Variants in ZNHIT6 observed in about 807,000 individuals in gnomAD.
ZNHIT6 encodes box C/D snoRNA protein 1.
ZNHIT6 carries 45 observed loss-of-function variants against 57.2 expected under a neutral mutation model. The observed-to-expected ratio is 0.79, with a 90% CI of 0.62 to 1.01. ZNHIT6 has a LOEUF of 1.01. Ranked by LOEUF, ZNHIT6 falls within the 50% of genes least tolerant of loss-of-function variation. ZNHIT6 has a pLI of 0.00. For synonymous variants in ZNHIT6, 188 were observed against 190.0 expected, an observed-to-expected ratio of 0.99 and a Z score of 0.09; for missense variants, 528 against 567.3, an observed-to-expected ratio of 0.93 and a Z score of 0.70.
chr1:85,660,207 A>G (rs1260557071), intron 8 of ZNHIT6, among the ~76,000 whole-genome samples: 1 of 152,202 alleles, frequency 6.6e-6, no homozygotes, highest in East Asian at 1.9e-4. Flanking sequence ...TAAAATGGTG[A>G]TAACTAAATT....
chr1:85,669,773 C>T (rs1449628503), intron 8 of ZNHIT6, among the ~76,000 whole-genome samples: 1 of 152,126 alleles, frequency 6.6e-6, no homozygotes, highest in African/African-American at 2.4e-5. Context: ...CTCCACTGGG[C>T]ACCTTTTATG....
intron 8 of ZNHIT6, among the ~76,000 whole-genome samples, chr1:85,667,961 A>AAAAAAAAAAAAAAATATGTATAT: frequency 1.1e-4 from 2 of 18,200 alleles, no homozygotes; most frequent in African/African-American, 4.2e-4. Context: ...AAAAAAAAAA[A>AAAAAAAAAAAAAAATATGTATAT]ATATATATAT....
At chr1:85,682,454 TCTTG>T (rs1661908224) in intron 5 of ZNHIT6, among the ~76,000 whole-genome samples, 1 of 152,138 alleles carries the variant, frequency 6.6e-6, no homozygotes, top group Non-Finnish European at 1.5e-5. Context: ...TCACCCCAAT[TCTTG>T]CTTGAGTAAT....
intron 9 of ZNHIT6, among the ~76,000 whole-genome samples, chr1:85,656,699 T>C (rs17128043): frequency 0.04 from 6,133 of 152,196 alleles, 448 homozygotes; most frequent in African/African-American, 0.14. Flanking sequence ...GTGAAAAATA[T>C]TAATGTCAAG....
At chr1:85,677,613 G>T (rs1424324748) in intron 7 of ZNHIT6, among the ~76,000 whole-genome samples, 3 of 152,114 alleles carry the variant, frequency 2.0e-5, no homozygotes, top group Admixed American at 6.5e-5. Flanking sequence ...TATGACTAAT[G>T]ATAATAACTA....
At chr1:85,662,740 A>G (rs1260902976) in intron 8 of ZNHIT6, among the ~76,000 whole-genome samples, 1 of 152,188 alleles carries the variant, frequency 6.6e-6, no homozygotes, top group Non-Finnish European at 1.5e-5. Flanking sequence ...ATATATCCAC[A>G]TAAATGAGGA....
At chr1:85,679,563 G>GTT (rs35523771) in intron 6 of ZNHIT6, among the ~76,000 whole-genome samples, 54,387 of 135,146 alleles carry the variant, frequency 0.4, 11,521 homozygotes, top group South Asian at 0.56. Context: ...ACATTAAAAT[G>GTT]TTTTTTTTTT....
At chr1:85,685,632 C>A (rs1290305412) in intron 5 of ZNHIT6, among the ~76,000 whole-genome samples, 2 of 151,976 alleles carry the variant, frequency 1.3e-5, no homozygotes, top group African/African-American at 4.8e-5. Flanking sequence ...GGCTGGAGTG[C>A]AGTGGCCAAA....
At chr1:85,700,417 T>C (rs752542541) in intron 5 of ZNHIT6, among the ~76,000 whole-genome samples, 4 of 152,178 alleles carry the variant, frequency 2.6e-5, no homozygotes, top group Admixed American at 1.3e-4. Flanking sequence ...TCTATAAATT[T>C]ATGAGCAAAA....
At chr1:85,658,299 G>T (rs1319378377) in intron 8 of ZNHIT6, among the ~76,000 whole-genome samples, 1 of 152,066 alleles carries the variant, frequency 6.6e-6, no homozygotes, top group Non-Finnish European at 1.5e-5. Flanking sequence ...CACAATCTCG[G>T]CTCACTGCAA....
chr1:85,705,108 C>T (rs546336012), intron 4 of ZNHIT6, among the ~76,000 whole-genome samples: 8 of 152,290 alleles, frequency 5.3e-5, no homozygotes, highest in Admixed American at 3.3e-4. Context: ...ATTCTTGCCC[C>T]GCTAAAGTTC....
chr1:85,678,659 T>G, intron 7 of ZNHIT6, 42 bp downstream of exon 7: 1 of 1,323,012 alleles, frequency 7.6e-7, no homozygotes, highest in East Asian at 2.4e-5. Context: ...TACATCAACA[T>G]TTTTAATTAT....
chr1:85,705,684 T>A (rs560315112), intron 4 of ZNHIT6, among the ~76,000 whole-genome samples: 1 of 152,358 alleles, frequency 6.6e-6, no homozygotes, highest in South Asian at 2.1e-4. Context: ...AATGTTCACA[T>A]GACAGCCTCT....
At chr1:85,673,872 A>G (rs977175345) in intron 8 of ZNHIT6, among the ~76,000 whole-genome samples, 3 of 152,222 alleles carry the variant, frequency 2.0e-5, no homozygotes, top group Non-Finnish European at 4.4e-5. Context: ...ATAAAAAATA[A>G]AAATCTACGC....
In ZNHIT6 at chr1:85,687,296, AAACAAAAAAAAAAAAC is replaced by A. The variant is rs1662082483; in HGVS notation, c.1020-6408_1020-6393del. On this transcript the variant is annotated intron_variant, in intron 5 of 9. Coordinates refer to ENST00000370574, the MANE Select transcript of ZNHIT6 (RefSeq NM_017953.4). ...AAGACTATCTCAAAAAACAAAAAAA[AAACAAAAAAAAAAAAC>A]AATTTAGAACCCAGTACTCAAAAAT... Among the ~76,000 whole-genome samples, 8 of 132,894 alleles carry A rather than the reference AAACAAAAAAAAAAAAC, an allele frequency of 6.0e-5. 1 individual carries two copies. The highest frequency in any genetic ancestry group is 1.3e-4 in the Non-Finnish European group (8 of 61,586). 87.2% of individuals were successfully genotyped at this position (132,894 alleles called of 152,430 possible).
Position 85,706,073 on chromosome 1 carries a change from C to A in ZNHIT6, c.915+5G>T, listed in dbSNP as rs1245898381. 3 of 1,599,740 alleles carry A rather than the reference C, an allele frequency of 1.9e-6. No individual in the cohort carries two copies. The highest frequency in any genetic ancestry group is 2.6e-6 in the Non-Finnish European group (3 of 1,174,240). On this transcript the variant is annotated splice_donor_5th_base_variant and intron_variant, in intron 4 of 9. Coordinates refer to ENST00000370574, the MANE Select transcript of ZNHIT6 (RefSeq NM_017953.4). The stretch of plus-strand genomic sequence containing the variant: ...TAACTGGAAGAAATTAGGAAAAAAT[C>A]TTACATATTTATTGCTTATTGGTCT...
At chr1:85,690,844 G>T (rs1362229227) in intron 5 of ZNHIT6, among the ~76,000 whole-genome samples, 1 of 152,100 alleles carries the variant, frequency 6.6e-6, no homozygotes, top group East Asian at 1.9e-4. Context: ...TGGCCAACAT[G>T]GTGAAACCCC....
At chr1:85,675,973 C>T (rs559327163) in intron 8 of ZNHIT6, among the ~76,000 whole-genome samples, 1 of 152,178 alleles carries the variant, frequency 6.6e-6, no homozygotes, top group Non-Finnish European at 1.5e-5. Context: ...TAGGCTTTGG[C>T]TTAAGGGAAT....
At chr1:85,697,308 C>A (rs186073059) in intron 5 of ZNHIT6, among the ~76,000 whole-genome samples, 11 of 151,882 alleles carry the variant, frequency 7.2e-5, no homozygotes, top group African/African-American at 2.7e-4. Context: ...TCTTTTTTGC[C>A]ATGCAAATTT....
Sources: gnomAD v4.1 joint callset for allele counts (sites outside exome capture counted in the v4.1 genomes callset) on GRCh38, gnomAD v4.1.1 for gene constraint, MANE v1.5 for transcripts, NCBI Gene and HGNC (gene_info 2026-07-23, HGNC 2026-07-21) for gene names.